The following SERAC1 variants were observed in gnomAD, a reference collection of about 807,000 sequenced individuals.
The protein encoded by SERAC1 is serine active site containing 1.
In SERAC1, 36 loss-of-function variants were observed where a neutral mutation model predicts 85.7. That is an observed-to-expected ratio of 0.42 (90% CI 0.32 to 0.55). SERAC1 has a LOEUF of 0.55. SERAC1 is among the 20% of genes least tolerant of loss of function. The pLI is 0.11. For missense variants in SERAC1, 629 were observed against 796.2 expected, an observed-to-expected ratio of 0.79 and a Z score of 2.53; for synonymous variants, 242 against 265.3, an observed-to-expected ratio of 0.91 and a Z score of 0.85.
At chr6:158,162,483 G>A (rs1196688393) in intron 1 of SERAC1, among the ~76,000 whole-genome samples, 1 of 152,090 alleles carries the variant, frequency 6.6e-6, no homozygotes, top group Non-Finnish European at 1.5e-5. Context: ...GATTTGGTAT[G>A]CTCCTTTGAT....
intron 9 of SERAC1, 108 bp from the exon 10 acceptor site, chr6:158,128,378 G>A: frequency 2.0e-6 from 2 of 990,108 alleles, no homozygotes. Flanking sequence ...TCAAGGGCAG[G>A]GATGCAGGGA....
intron 9 of SERAC1, 103 bp from the exon 10 acceptor site, chr6:158,128,373 G>T: frequency 9.2e-7 from 1 of 1,090,100 alleles, no homozygotes; most frequent in Non-Finnish European, 1.3e-6. Flanking sequence ...CCCACTCAAG[G>T]GCAGGGATGC....
Position 158,146,851 on chromosome 6 carries a change from T to C in SERAC1, c.418A>G (p.Ser140Gly), listed in dbSNP as rs370340688. The change falls in exon 6 of 17, where the codon AGC (serine) becomes GGC (glycine). Residue 140 changes from serine (S) to glycine (G), a missense_variant. Coordinates refer to ENST00000647468, the MANE Select transcript of SERAC1 (RefSeq NM_032861.4). Reference protein sequence around the residue: ...ECAVWLLLRKSKSDDKTTRLE... With the variant: ...ECAVWLLLRKGKSDDKTTRLE... ...CGCGTGGTTTTGTCATCTGACTTGC[T>C]CTTCCGTAGGAGCAGCCACACAGCA... is the stretch of plus-strand genomic sequence containing the variant. The C allele has an allele frequency of 1.0e-4, 169 of 1,614,022 alleles. No homozygotes were observed. The highest frequency in any genetic ancestry group is 1.3e-4 in the Non-Finnish European group (155 of 1,179,906).
At chr6:158,164,458 G>C (rs1317951848) in intron 1 of SERAC1, among the ~76,000 whole-genome samples, 2 of 152,260 alleles carry the variant, frequency 1.3e-5, no homozygotes, top group South Asian at 2.1e-4. Context: ...CTGGGCGACA[G>C]AGCGAGACTC....
At chr6:158,160,942 T>G (rs1209676743) in intron 1 of SERAC1, 1 of 152,228 alleles carries the variant, frequency 6.6e-6, no homozygotes, top group Non-Finnish European at 1.5e-5. Context: ...TTTTGTTTCT[T>G]GCATCCACAA....
chr6:158,125,837 A>C (rs1784527101), intron 10 of SERAC1, among the ~76,000 whole-genome samples: 1 of 152,234 alleles, frequency 6.6e-6, no homozygotes, highest in Non-Finnish European at 1.5e-5. Flanking sequence ...ATGAAATGGC[A>C]TAATCTTAAT....
rs910212576 is a variant in SERAC1, at chr6:158,119,329, T to G, written c.1167-159A>C. Among the ~76,000 whole-genome samples, 3 of 152,212 alleles carry G rather than the reference T, an allele frequency of 2.0e-5. No homozygotes were observed. The highest frequency in any genetic ancestry group is 7.2e-5 in the African/African-American group (3 of 41,462). On this transcript the variant is annotated intron_variant, in intron 11 of 16. Coordinates refer to ENST00000647468, the MANE Select transcript of SERAC1 (RefSeq NM_032861.4). This position sits in a 1 kb window ranked among gnomAD's most constrained non-coding sequence, Gnocchi z 4.5. ...TAAGCACAGGTTTGCTGGGAAAACC[T>G]AGAAGGAGCTTTGGCAAAGACATAC...
intron 3 of SERAC1, among the ~76,000 whole-genome samples, chr6:158,153,616 G>A (rs79758437): frequency 6.6e-5 from 10 of 152,274 alleles, no homozygotes; most frequent in Non-Finnish European, 8.8e-5. Flanking sequence ...AACACCTGAA[G>A]TTAACTTTAA....
At chr6:158,163,082 T>C (rs899954879) in intron 1 of SERAC1, among the ~76,000 whole-genome samples, 2 of 152,074 alleles carry the variant, frequency 1.3e-5, no homozygotes, top group Non-Finnish European at 2.9e-5. Flanking sequence ...AAATGTCCAA[T>C]ATCCCCATTA....
At chr6:158,114,684 C>CA (rs751699559) in intron 15 of SERAC1, 105 bp downstream of exon 15, 1 of 454,624 alleles carries the variant, frequency 2.2e-6, no homozygotes, top group Non-Finnish European at 3.0e-6. Flanking sequence ...CAATTATATA[C>CA]AAATTATAAA....
chr6:158,160,158 GT>G (rs1195688499), intron 1 of SERAC1, among the ~76,000 whole-genome samples: 7 of 151,102 alleles, frequency 4.6e-5, no homozygotes, highest in African/African-American at 1.7e-4. Flanking sequence ...TACGAGAGGG[GT>G]TTTTTAAAAG....
At chr6:158,140,320 G>A (rs995569827) in intron 8 of SERAC1, among the ~76,000 whole-genome samples, 1 of 152,194 alleles carries the variant, frequency 6.6e-6, no homozygotes, top group African/African-American at 2.4e-5. Context: ...CCTGAAGGTT[G>A]AGGTGATCAC....
chr6:158,118,000 G>A lies in SERAC1; in HGVS notation c.1309-179C>T, dbSNP rs890162931. Among the ~76,000 whole-genome samples, 6 of 152,198 alleles carry A rather than the reference G, an allele frequency of 3.9e-5. No individual in the cohort carries two copies. The highest frequency in any genetic ancestry group is 1.4e-4 in the African/African-American group (6 of 41,454). ...ACTATCTTTTCAAGTCTCTGGTCTC[G>A]AAGTGGTACCAGTATTTATAGCATA... is the stretch of plus-strand genomic sequence containing the variant. On this transcript the variant is annotated intron_variant, in intron 12 of 16. Transcript: ENST00000647468. This position sits in a 1 kb window ranked among gnomAD's most constrained non-coding sequence, Gnocchi z 4.3.
intron 8 of SERAC1, among the ~76,000 whole-genome samples, chr6:158,133,085 T>C (rs1326177055): frequency 6.6e-6 from 1 of 152,076 alleles, no homozygotes; most frequent in African/African-American, 2.4e-5. Flanking sequence ...GACAAGTGGA[T>C]TGCTTGAGCC....
At chr6:158,144,520 C>G (rs181984719) in intron 6 of SERAC1, 100 bp from the exon 7 acceptor site, 1 of 1,147,986 alleles carries the variant, frequency 8.7e-7, no homozygotes, top group East Asian at 2.5e-5. Flanking sequence ...AATTTTTAAA[C>G]TGCTCTGCAA....
intron 10 of SERAC1, among the ~76,000 whole-genome samples, chr6:158,125,457 T>G (rs1784518440): frequency 6.6e-6 from 1 of 152,120 alleles, no homozygotes; most frequent in South Asian, 2.1e-4. Context: ...ATCTTGAACT[T>G]CCCAGCCTCC....
intron 5 of SERAC1, among the ~76,000 whole-genome samples, chr6:158,148,244 A>G (rs1785118024): frequency 6.6e-6 from 1 of 152,186 alleles, no homozygotes; most frequent in South Asian, 2.1e-4. Flanking sequence ...TGATTGTGAA[A>G]TCTATGATAT....
chr6:158,126,182 A>G (rs796815805), intron 10 of SERAC1, among the ~76,000 whole-genome samples: 16 of 152,278 alleles, frequency 1.1e-4, no homozygotes, highest in African/African-American at 3.9e-4. Flanking sequence ...AAGAGGCAAG[A>G]AGCAAAGACA....
chr6:158,129,382 T>C (rs1230747642), intron 9 of SERAC1, among the ~76,000 whole-genome samples: 1 of 152,194 alleles, frequency 6.6e-6, no homozygotes, highest in Non-Finnish European at 1.5e-5. Flanking sequence ...AAGGATGGTG[T>C]TTGTCTTGAT....
Sources: gnomAD v4.1 joint callset for allele counts (sites outside exome capture counted in the v4.1 genomes callset) on GRCh38, gnomAD v4.1.1 for gene constraint, Gnocchi (gnomAD v3.1) non-coding constraint, MANE v1.5 for transcripts, NCBI Gene and HGNC (gene_info 2026-07-23, HGNC 2026-07-21) for gene names.